The following ANTXR2 variants were observed in gnomAD, a reference collection of about 807,000 sequenced individuals.
The protein encoded by ANTXR2 is anthrax toxin receptor 2.
ANTXR2 carries 44 observed loss-of-function variants against 73.7 expected under a neutral mutation model. The ratio of observed to expected loss-of-function variants is 0.60; its 90% confidence interval spans 0.47 to 0.77. The LOEUF (loss-of-function observed/expected upper bound fraction) is 0.77. ANTXR2 is among the 30% of genes least tolerant of loss of function. The pLI, the probability that ANTXR2 is intolerant of heterozygous loss-of-function variation, is 0.00. For missense variants in ANTXR2, 604 were observed against 592.5 expected, an observed-to-expected ratio of 1.02 and a Z score of -0.20; for synonymous variants, 217 against 205.9, an observed-to-expected ratio of 1.05 and a Z score of -0.46.
chr4:79,976,719 T>C (rs550621871), intron 16 of ANTXR2, among the ~76,000 whole-genome samples: 1 of 152,330 alleles, frequency 6.6e-6, no homozygotes, highest in East Asian at 1.9e-4. Flanking sequence ...CTAACACCTC[T>C]GGCTTACCCT....
chr4:79,915,862 C>CTCTCTCTCTATATATATATA (rs377006532), intron 16 of ANTXR2, among the ~76,000 whole-genome samples: 60 of 123,878 alleles, frequency 4.8e-4, no homozygotes, highest in Non-Finnish European at 8.3e-4. Flanking sequence ...CTCTCTCTCT[C>CTCTCTCTCTATATATATATA]TATATATATA....
chr4:79,994,494 C>T (rs1730631192), intron 12 of ANTXR2, among the ~76,000 whole-genome samples: 1 of 151,976 alleles, frequency 6.6e-6, no homozygotes, highest in African/African-American at 2.4e-5. Flanking sequence ...TTCACTTCAT[C>T]GTGAGGACTT....
chr4:79,932,076 G>T (rs1248140229), intron 16 of ANTXR2, among the ~76,000 whole-genome samples: 1 of 152,002 alleles, frequency 6.6e-6, no homozygotes, highest in Admixed American at 6.6e-5. Flanking sequence ...TGCCTCTTGA[G>T]CTAGAGGTAA....
intron 16 of ANTXR2, among the ~76,000 whole-genome samples, chr4:79,945,881 T>A (rs1174671810): frequency 6.6e-6 from 1 of 152,126 alleles, no homozygotes; most frequent in Admixed American, 6.6e-5. Flanking sequence ...TCCTAAATTT[T>A]TTTTTAAAAA....
At chr4:80,008,098 GCAAA>G (rs1449387397) in intron 12 of ANTXR2, among the ~76,000 whole-genome samples, 1 of 152,060 alleles carries the variant, frequency 6.6e-6, no homozygotes, top group Non-Finnish European at 1.5e-5. Flanking sequence ...TTTTTCAGTA[GCAAA>G]CAGAGAAGGT....
chr4:79,958,104 C>T (rs1250480395), intron 16 of ANTXR2, among the ~76,000 whole-genome samples: 1 of 151,754 alleles, frequency 6.6e-6, no homozygotes, highest in Non-Finnish European at 1.5e-5. Flanking sequence ...GCTCTTGATT[C>T]TCTCTCCTTC....
At chr4:80,036,529 A>C (rs1732972913) in intron 7 of ANTXR2, among the ~76,000 whole-genome samples, 3 of 152,126 alleles carry the variant, frequency 2.0e-5, no homozygotes. Context: ...GACTGTGCAC[A>C]GTGGCTCATG....
In ANTXR2 at chr4:80,033,531, A is replaced by C. The variant is rs1732801805; in HGVS notation, c.737T>G (p.Leu246Arg). 1.3e-6 allele frequency: 2 copies of C among 1,598,106 alleles called. No individual in the cohort carries two copies. Among genetic ancestry groups the C allele is most frequent in the Non-Finnish European group, 1.7e-6 (2 of 1,174,392 alleles). Reference sequence around the variant, plus strand: ...GAGAACACTGCCATTCCGACTGCCCAGCATGAATCCTCTTCCACTTAAGAC... The same window carrying C: ...GAGAACACTGCCATTCCGACTGCCCCGCATGAATCCTCTTCCACTTAAGAC... ...QIVLSGRGFMLGSRNGSVLCT... is the reference protein window; with the variant it reads ...QIVLSGRGFMRGSRNGSVLCT... The change falls in exon 9 of 17, where the codon CTG (leucine) becomes CGG (arginine). Residue 246 changes from leucine to arginine, a missense_variant. Transcript: ENST00000403729.
At chr4:80,062,071 G>C (rs184885025) in intron 3 of ANTXR2, among the ~76,000 whole-genome samples, 1 of 152,236 alleles carries the variant, frequency 6.6e-6, no homozygotes. Context: ...ATGGGTTTTA[G>C]CTGTATCTTA....
At chr4:79,922,354 A>T (rs988804344) in intron 16 of ANTXR2, among the ~76,000 whole-genome samples, 1 of 152,106 alleles carries the variant, frequency 6.6e-6, no homozygotes, top group Non-Finnish European at 1.5e-5. Context: ...TTGTAAAGAA[A>T]CTAAACACAC....
chr4:80,003,893 A>C (rs865915416), intron 12 of ANTXR2, among the ~76,000 whole-genome samples: 12 of 152,136 alleles, frequency 7.9e-5, no homozygotes, highest in African/African-American at 2.7e-4. Flanking sequence ...TTTATAACTC[A>C]GGAGTCACAG....
At chr4:80,030,797 C>A (rs2110080974) in intron 10 of ANTXR2, among the ~76,000 whole-genome samples, 1 of 151,980 alleles carries the variant, frequency 6.6e-6, no homozygotes, top group South Asian at 2.1e-4. Flanking sequence ...GGATTGTGGC[C>A]TTGTATATGT....
At chr4:79,965,633 AAC>A (rs1578117388) in intron 16 of ANTXR2, among the ~76,000 whole-genome samples, 1 of 152,234 alleles carries the variant, frequency 6.6e-6, no homozygotes, top group African/African-American at 2.4e-5. Context: ...ATGAGCACAG[AAC>A]ACACAGGAAA....
rs1297326048 is a variant in ANTXR2, at chr4:79,926,979, G to GTGCATGTATGTGTATATATACACA, written c.1429-19513_1429-19512insTGTGTATATATACACATACATGCA. Among the ~76,000 whole-genome samples the GTGCATGTATGTGTATATATACACA allele has an allele frequency of 3.4e-4, 15 of 43,742 alleles. No individual in the cohort carries two copies. The East Asian group carries it at 0.023, about 68-fold the overall frequency. 28.7% of individuals were successfully genotyped at this position (43,742 alleles called of 152,430 possible). A position where few individuals can be genotyped will look rare whatever the true frequency, so the allele number is the denominator to read the frequency against. On this transcript the variant is annotated intron_variant, in intron 16 of 16. Coordinates refer to ENST00000403729, the MANE Select transcript of ANTXR2 (RefSeq NM_058172.6). ...CGTGTGCATATATGTGTATATATAC[G>GTGCATGTATGTGTATATATACACA]TGTGCATATATGTGTATATATACAC... is the stretch of plus-strand genomic sequence containing the variant.
chr4:79,903,789 G>C lies in ANTXR2; in HGVS notation c.*3640C>G, dbSNP rs1206580237. The C allele has an allele frequency of 6.6e-6, 1 of 152,060 alleles. No individual in the cohort carries two copies. The highest frequency in any genetic ancestry group is 1.9e-4 in the East Asian group (1 of 5,190). 9.4% of individuals were successfully genotyped at this position (152,060 alleles called of 1,614,324 possible). On this transcript the variant is annotated 3_prime_UTR_variant, in exon 17 of 17. Transcript: ENST00000403729. ...CTTAACTATGTAACAGATGTACCAAGAGTTATTCTATGTTTCTAGATTATG... is the reference window on the plus strand; with the variant it reads ...CTTAACTATGTAACAGATGTACCAACAGTTATTCTATGTTTCTAGATTATG...
intron 16 of ANTXR2, among the ~76,000 whole-genome samples, chr4:79,946,229 G>C (rs1416404062): frequency 6.6e-6 from 1 of 152,124 alleles, no homozygotes; most frequent in Non-Finnish European, 1.5e-5. Context: ...CCAGGAATTG[G>C]AATCTAGGTA....
At chr4:80,020,591 G>A (rs1324956907) in intron 10 of ANTXR2, among the ~76,000 whole-genome samples, 1 of 152,166 alleles carries the variant, frequency 6.6e-6, no homozygotes, top group Non-Finnish European at 1.5e-5. Context: ...GGGGGCAGGA[G>A]GCCCAGAAAT....
At chr4:79,929,833 C>T (rs539798682) in intron 16 of ANTXR2, among the ~76,000 whole-genome samples, 2 of 152,192 alleles carry the variant, frequency 1.3e-5, no homozygotes, top group South Asian at 2.1e-4. Flanking sequence ...AATAGTTTTC[C>T]GACAACAAGA....
At chr4:80,023,471 G>A (rs901873264) in intron 10 of ANTXR2, among the ~76,000 whole-genome samples, 2 of 152,132 alleles carry the variant, frequency 1.3e-5, no homozygotes, top group African/African-American at 4.8e-5. Flanking sequence ...TTGGTAAAAT[G>A]GCTGCAGTAA....
Sources: gnomAD v4.1 joint callset for allele counts (sites outside exome capture counted in the v4.1 genomes callset) on GRCh38, gnomAD v4.1.1 for gene constraint, MANE v1.5 for transcripts, NCBI Gene and HGNC (gene_info 2026-07-23, HGNC 2026-07-21) for gene names.